The following REXO5 variants were observed in gnomAD, a reference collection of about 807,000 sequenced individuals.
The protein encoded by REXO5 is exonuclease NEF-sp.
Under a neutral mutation model 88.5 loss-of-function variants are expected in REXO5, and 48 were observed. That is an observed-to-expected ratio of 0.54 (90% confidence interval 0.43 to 0.69). The LOEUF (loss-of-function observed/expected upper bound fraction) is 0.69, where lower values mean the gene tolerates loss of function less well. Among genes scored for constraint, REXO5 ranks in the 30% least tolerant of loss-of-function variants. The probability of loss-of-function intolerance (pLI) is 0.00; values close to 1 mark genes in which losing one functional copy is unlikely to be tolerated. For synonymous variants in REXO5, 311 were observed against 336.5 expected (o/e 0.92, Z 0.83); for missense variants, 749 against 912.2 (o/e 0.82, Z 2.30).
At chr16:20,814,830 C>A (rs916486557) in intron 3 of REXO5, 97 bp from the exon 4 acceptor site, 1 of 1,249,530 alleles carries the variant, frequency 8.0e-7, no homozygotes, top group East Asian at 2.6e-5. Flanking sequence ...CTCTCACTCA[C>A]TGCTTTTCCT....
chr16:20,828,003 A>T (rs1206380743), intron 10 of REXO5, among the ~76,000 whole-genome samples: 6 of 152,210 alleles, frequency 3.9e-5, no homozygotes, highest in Non-Finnish European at 7.3e-5. Flanking sequence ...ATTTAGTTCT[A>T]TCTATAAATA....
At chr16:20,812,648 G>A (rs1311809509) in intron 2 of REXO5, among the ~76,000 whole-genome samples, 3 of 152,142 alleles carry the variant, frequency 2.0e-5, no homozygotes, top group Non-Finnish European at 4.4e-5. Context: ...TCTATGATCT[G>A]GCTCCTGCTT....
chr16:20,849,151 T>C (rs541553558), intron 19 of REXO5, among the ~76,000 whole-genome samples: 4 of 152,348 alleles, frequency 2.6e-5, no homozygotes, highest in African/African-American at 9.6e-5. Context: ...AATTTAAATA[T>C]TTCATAGTTT....
At chr16:20,845,310 T>TA in intron 18 of REXO5, 69 bp downstream of exon 18, 1 of 1,375,140 alleles carries the variant, frequency 7.3e-7, no homozygotes, top group Non-Finnish European at 9.8e-7. Flanking sequence ...AATCCTTTAA[T>TA]CTTTTTTTTT....
intron 3 of REXO5, 101 bp from the exon 4 acceptor site, chr16:20,814,826 C>A: frequency 8.4e-7 from 1 of 1,190,508 alleles, no homozygotes; most frequent in Non-Finnish European, 1.2e-6. Context: ...TTAACTCTCA[C>A]TCACTGCTTT....
At chr16:20,814,253 G>A (rs537564211) in intron 3 of REXO5, among the ~76,000 whole-genome samples, 3 of 151,848 alleles carry the variant, frequency 2.0e-5, no homozygotes, top group Non-Finnish European at 4.4e-5. Flanking sequence ...TTTTTTTGGT[G>A]GGGGATGGAG....
At chr16:20,840,600 T>C in intron 15 of REXO5, 132 bp downstream of exon 15, 1 of 691,412 alleles carries the variant, frequency 1.4e-6, no homozygotes. Flanking sequence ...AGACATACTC[T>C]AATGAGAGCA....
chr16:20,829,082 C>G (rs1267702765), intron 11 of REXO5, among the ~76,000 whole-genome samples: 1 of 152,132 alleles, frequency 6.6e-6, no homozygotes, highest in Non-Finnish European at 1.5e-5. Flanking sequence ...ATAGTCCCTG[C>G]AGTTGGGCTT....
intron 2 of REXO5, 37 bp from the exon 3 acceptor site, chr16:20,813,153 C>A (rs111542868): frequency 3.7e-6 from 5 of 1,349,542 alleles, no homozygotes; most frequent in African/African-American, 1.4e-5. Context: ...TCTTGATAAC[C>A]AATAATGGCT....
Position 20,823,242 on chromosome 16 carries a change from G to T in REXO5, c.617-1197G>T, listed in dbSNP as rs932262798. ...TTAAATTGGGCTGTATTTTATCATG[G>T]AATTATTGGAGTTCTTATTTTCTGG... On this transcript the variant is annotated intron_variant, in intron 6 of 19. Coordinates refer to ENST00000261377, the MANE Select transcript of REXO5 (RefSeq NM_030941.3). Among the ~76,000 whole-genome samples the T allele has an allele frequency of 3.3e-5, 5 of 152,072 alleles. No homozygotes were observed. The East Asian group carries it at 7.7e-4, about 23-fold the overall frequency.
At chr16:20,847,279 A>C (rs1244094523) in intron 19 of REXO5, among the ~76,000 whole-genome samples, 1 of 151,830 alleles carries the variant, frequency 6.6e-6, no homozygotes, top group African/African-American at 2.4e-5. Context: ...AAAACAAAAA[A>C]AAAAAACCCA....
At chr16:20,809,719 T>C (rs1433281469) in intron 2 of REXO5, among the ~76,000 whole-genome samples, 1 of 152,220 alleles carries the variant, frequency 6.6e-6, no homozygotes, top group Non-Finnish European at 1.5e-5. Flanking sequence ...AAGTTATCTT[T>C]TTCTCTGTGT....
At chr16:20,840,587 G>A in intron 15 of REXO5, 119 bp downstream of exon 15, 6 of 828,580 alleles carry the variant, frequency 7.2e-6, no homozygotes, top group Non-Finnish European at 9.1e-6. Context: ...CAACTGGAGT[G>A]TGAGACATAC....
In REXO5 at chr16:20,828,528, C is replaced by A. The variant is rs768396805; in HGVS notation, c.1149C>A (p.Gly383=). The A allele has an allele frequency of 1.2e-6, 2 of 1,611,494 alleles. No individual in the cohort carries two copies. Among genetic ancestry groups the A allele is most frequent in the East Asian group, 2.2e-5 (1 of 44,858 alleles). ...LELARYFLKH[G]PKKIAELNLE... is the part of the protein sequence containing the mutation. Reference sequence around the variant, plus strand: ...TGGCTCGGTATTTCCTTAAGCATGGCCCAAAAAAGGTTAGTATCTTTGCCC... The same window carrying A: ...TGGCTCGGTATTTCCTTAAGCATGGACCAAAAAAGGTTAGTATCTTTGCCC... Residue 383 remains glycine, a synonymous_variant, in exon 11 of 20, where the codon GGC becomes GGA. Coordinates refer to ENST00000261377, the MANE Select transcript of REXO5 (RefSeq NM_030941.3).
intron 2 of REXO5, among the ~76,000 whole-genome samples, chr16:20,808,575 A>G (rs1400891898): frequency 6.6e-6 from 1 of 151,960 alleles, no homozygotes; most frequent in Admixed American, 6.6e-5. Context: ...AATGATAAAA[A>G]TAAGTTATAA....
chr16:20,823,681 C>G (rs535137592), intron 6 of REXO5: 3 of 152,188 alleles, frequency 2.0e-5, no homozygotes, highest in African/African-American at 4.8e-5. Context: ...TGCATAGCCC[C>G]CTTTGTTCCG....
intron 13 of REXO5, among the ~76,000 whole-genome samples, chr16:20,833,724 A>G (rs2081382821): frequency 1.3e-5 from 2 of 152,070 alleles, no homozygotes; most frequent in African/African-American, 4.8e-5. Context: ...TCCTCTCTGT[A>G]TGGCATTTCC....
intron 2 of REXO5, among the ~76,000 whole-genome samples, chr16:20,808,165 T>A (rs1306806718): frequency 6.6e-6 from 1 of 152,136 alleles, no homozygotes; most frequent in Non-Finnish European, 1.5e-5. Context: ...CCAGCCCTTC[T>A]CCCAGTCAGT....
intron 5 of REXO5, among the ~76,000 whole-genome samples, chr16:20,819,756 C>CAA (rs34436271): frequency 5.5e-4 from 77 of 139,210 alleles, no homozygotes; most frequent in East Asian, 8.6e-4. Flanking sequence ...ACTCCGTCTC[C>CAA]AAAAAAAAAA....
Sources: allele counts gnomAD v4.1 joint callset (sites outside exome capture counted in the v4.1 genomes callset), GRCh38; gene constraint gnomAD v4.1.1; transcripts MANE v1.5; gene names NCBI Gene and HGNC (gene_info 2026-07-23, HGNC 2026-07-21).